Variants in SRRM4 observed in about 807,000 individuals in gnomAD.
The protein encoded by SRRM4 is serine/arginine repetitive matrix 4, also known as serine/arginine repetitive matrix protein 4.
SRRM4 carries 33 observed loss-of-function variants against 68.9 expected under a neutral mutation model. That is an observed-to-expected ratio of 0.48 (90% CI 0.36 to 0.64). The LOEUF is 0.64. Among genes scored for constraint, SRRM4 ranks in the 30% least tolerant of loss-of-function variants. SRRM4 has a pLI of 0.00. For synonymous variants in SRRM4, 318 were observed against 318.8 expected (o/e 1.00, Z 0.03); for missense variants, 817 against 827.1 (o/e 0.99, Z 0.15).
At chr12:119,066,626 T>G (rs2136024171) in intron 1 of SRRM4, among the ~76,000 whole-genome samples, 1 of 152,354 alleles carries the variant, frequency 6.6e-6, no homozygotes, top group South Asian at 2.1e-4. Context: ...TGACAACCAC[T>G]GCTCTAGTCT....
In SRRM4 at chr12:119,015,734, A is replaced by T. The variant is rs114903384; in HGVS notation, c.131+33721A>T. ...TTTCAGGATTTTTGCTATAACAAAC[A>T]ATACGCAAATTCCTCAGACACACTA... On this transcript the variant is annotated intron_variant, in intron 1 of 12. Transcript: ENST00000267260. Among the ~76,000 whole-genome samples the T allele has an allele frequency of 2.1e-3, 318 of 152,252 alleles. 3 individuals carry two copies. The highest frequency in any genetic ancestry group is 7.4e-3 in the African/African-American group (307 of 41,534).
Position 119,102,323 on chromosome 12 carries a change from C to T in SRRM4, c.219C>T (p.Gly73=), listed in dbSNP as rs1428512774. The T allele has an allele frequency of 6.2e-7, 1 of 1,613,460 alleles. No homozygotes were observed. The highest frequency in any genetic ancestry group is 1.3e-5 in the African/African-American group (1 of 74,904). The change falls in exon 2 of 13, where the codon GGC becomes GGT. Residue 73 remains glycine (G), a synonymous_variant. Transcript: ENST00000267260. The part of the protein sequence containing the change: ...LGQHLATEPL[G]TNSWERDKTC... ...AGCATCTGGCCACCGAGCCCTTGGG[C>T]ACCAACAGTTGGGAGAGAGACAAGA...
At chr12:118,984,354 G>A (rs1029184784) in intron 1 of SRRM4, among the ~76,000 whole-genome samples, 5 of 152,274 alleles carry the variant, frequency 3.3e-5, no homozygotes, top group Admixed American at 2.0e-4. Context: ...TATCAGCTGG[G>A]TTTGGGTGGC....
At chr12:119,049,540 G>T (rs1953728136) in intron 1 of SRRM4, among the ~76,000 whole-genome samples, 1 of 152,146 alleles carries the variant, frequency 6.6e-6, no homozygotes, top group South Asian at 2.1e-4. Context: ...GATCACTCTG[G>T]CTATGGGGCA....
rs184976101 is a variant in SRRM4 at position 119,029,678 on chromosome 12, A to C, written c.131+47665A>C. ...CCTTTCTCAGGGAAAGAAAATGTAG[A>C]GAGTCACCAACTCACTCTTCTCCTA... On this transcript the variant is annotated intron_variant, in intron 1 of 12. Transcript: ENST00000267260. 1.6e-4 allele frequency among the ~76,000 whole-genome samples: 24 copies of C among 152,308 alleles called. 1 individual carries two copies. The East Asian group carries it at 4.4e-3, about 28-fold the overall frequency.
At chr12:119,092,994 C>T (rs1372246636) in intron 1 of SRRM4, among the ~76,000 whole-genome samples, 1 of 152,330 alleles carries the variant, frequency 6.6e-6, no homozygotes, top group South Asian at 2.1e-4. Context: ...TTTGCACTGG[C>T]TCCACTCTGC....
intron 1 of SRRM4, among the ~76,000 whole-genome samples, chr12:119,095,067 C>G (rs1284882167): frequency 6.6e-6 from 1 of 152,180 alleles, no homozygotes; most frequent in African/African-American, 2.4e-5. Flanking sequence ...ATTGCTTTTT[C>G]AAGCCACAAT....
At chr12:119,058,205 G>A (rs1157625929) in intron 1 of SRRM4, among the ~76,000 whole-genome samples, 1 of 151,894 alleles carries the variant, frequency 6.6e-6, no homozygotes, top group African/African-American at 2.4e-5. Flanking sequence ...TATACATTTT[G>A]GGATGTACTA....
At chr12:119,060,636 G>A (rs1381043253) in intron 1 of SRRM4, among the ~76,000 whole-genome samples, 2 of 151,694 alleles carry the variant, frequency 1.3e-5, no homozygotes, top group East Asian at 3.9e-4. Flanking sequence ...TCCCAAGTAT[G>A]GCCCAAAAGA....
At chr12:119,081,765 T>G (rs7976360) in intron 1 of SRRM4, among the ~76,000 whole-genome samples, 86,982 of 152,066 alleles carry the variant, frequency 0.57, 25,876 homozygotes, top group Middle Eastern at 0.76. Context: ...GCCATGTACA[T>G]GAGAGAAGTG....
chr12:118,989,978 G>A (rs528958027), intron 1 of SRRM4: 2 of 152,380 alleles, frequency 1.3e-5, no homozygotes, highest in East Asian at 1.9e-4. Flanking sequence ...CATGGTGTGT[G>A]TGCACGCTCA....
intron 7 of SRRM4, among the ~76,000 whole-genome samples, chr12:119,129,935 G>A (rs1371060800): frequency 1.3e-5 from 2 of 149,184 alleles, no homozygotes; most frequent in African/African-American, 5.0e-5. Flanking sequence ...ATGGTTAGTT[G>A]GATGGATGAA....
chr12:119,019,961 C>CCCCCCAAA (rs547396065), intron 1 of SRRM4, among the ~76,000 whole-genome samples: 3 of 90,022 alleles, frequency 3.3e-5, no homozygotes, highest in African/African-American at 8.6e-5. Context: ...CCCCCCCCCC[C>CCCCCCAAA]AAAAAAAAAT....
At chr12:119,068,368 C>T (rs189417905) in intron 1 of SRRM4, among the ~76,000 whole-genome samples, 18 of 152,302 alleles carry the variant, frequency 1.2e-4, no homozygotes. Context: ...TGTGACCCAG[C>T]CTGGGAGCTG....
chr12:118,985,369 A>C (rs1308502887), intron 1 of SRRM4, among the ~76,000 whole-genome samples: 4 of 152,242 alleles, frequency 2.6e-5, no homozygotes, highest in African/African-American at 9.6e-5. Context: ...TATAGAGAAG[A>C]CCAGGTACTG....
intron 1 of SRRM4, among the ~76,000 whole-genome samples, chr12:119,096,909 T>G (rs1219285583): frequency 6.6e-6 from 1 of 152,070 alleles, no homozygotes; most frequent in Non-Finnish European, 1.5e-5. Flanking sequence ...TGCAGAAAAG[T>G]TCAGCCCTGA....
At chr12:119,142,959 T>C (rs1954375289) in intron 8 of SRRM4, among the ~76,000 whole-genome samples, 1 of 152,222 alleles carries the variant, frequency 6.6e-6, no homozygotes, top group African/African-American at 2.4e-5. Flanking sequence ...CTTTACATTA[T>C]TGTTTTAAAA....
At chr12:118,986,244 T>C (rs889213477) in intron 1 of SRRM4, among the ~76,000 whole-genome samples, 1 of 152,174 alleles carries the variant, frequency 6.6e-6, no homozygotes. Flanking sequence ...CAGCAGCCTG[T>C]GGTTAAGAGC....
At chr12:119,027,405 C>T (rs1463827165) in intron 1 of SRRM4, among the ~76,000 whole-genome samples, 3 of 152,198 alleles carry the variant, frequency 2.0e-5, no homozygotes, top group East Asian at 1.9e-4. Context: ...TGAAAGGTCA[C>T]GTCCCTTTTT....
Sources: allele counts gnomAD v4.1 joint callset (sites outside exome capture counted in the v4.1 genomes callset), GRCh38; gene constraint gnomAD v4.1.1; transcripts MANE v1.5; gene names NCBI Gene and HGNC (gene_info 2026-07-23, HGNC 2026-07-21).